Variants in TUT7 observed in about 807,000 individuals in gnomAD.
TUT7 encodes terminal uridylyltransferase 7.
TUT7 carries 33 observed loss-of-function variants against 165.9 expected under a neutral mutation model. The ratio of observed to expected loss-of-function variants is 0.20; its 90% CI spans 0.15 to 0.27. TUT7 has a LOEUF of 0.27. TUT7 is among the 10% of genes least tolerant of loss of function. The pLI is 1.00. For missense variants in TUT7, 1,338 were observed against 1,762.3 expected (o/e 0.76, Z 4.31); for synonymous variants, 552 against 608.1 (o/e 0.91, Z 1.36).
At chr9:86,300,765 GA>G (rs1340651594) in intron 26 of TUT7, among the ~76,000 whole-genome samples, 17 of 152,166 alleles carry the variant, frequency 1.1e-4, no homozygotes, top group Non-Finnish European at 2.4e-4. Context: ...AAAATCTACA[GA>G]AAAAAATCTT....
chr9:86,315,726 A>C (rs1461837030), intron 17 of TUT7, among the ~76,000 whole-genome samples: 1 of 151,488 alleles, frequency 6.6e-6, no homozygotes, highest in African/African-American at 2.4e-5. Flanking sequence ...CAATGACCAA[A>C]GAAAAGTATA....
At chr9:86,305,789 T>C (rs954577955) in intron 22 of TUT7, among the ~76,000 whole-genome samples, 3 of 152,154 alleles carry the variant, frequency 2.0e-5, no homozygotes, top group African/African-American at 7.2e-5. Flanking sequence ...CCCAATGGCA[T>C]GCCATTGGCT....
intron 10 of TUT7, among the ~76,000 whole-genome samples, chr9:86,335,423 G>A (rs1271300361): frequency 1.3e-5 from 2 of 152,120 alleles, no homozygotes; most frequent in Non-Finnish European, 2.9e-5. Flanking sequence ...ATTATGATTG[G>A]GAATAAAGGT....
intron 26 of TUT7, among the ~76,000 whole-genome samples, chr9:86,289,421 A>C (rs1018575586): frequency 6.6e-6 from 1 of 152,212 alleles, no homozygotes; most frequent in East Asian, 1.9e-4. Context: ...ATTATTCAAT[A>C]ACTGTATTAT....
At chr9:86,320,845 G>GA (rs1157159963) in intron 14 of TUT7, among the ~76,000 whole-genome samples, 3 of 151,924 alleles carry the variant, frequency 2.0e-5, no homozygotes, top group Non-Finnish European at 2.9e-5. Context: ...CTTTCTTCTG[G>GA]AAAAAAATGT....
intron 17 of TUT7, among the ~76,000 whole-genome samples, chr9:86,314,838 A>G (rs1219058256): frequency 6.6e-6 from 1 of 152,190 alleles, no homozygotes; most frequent in African/African-American, 2.4e-5. Context: ...CTCCAAATGT[A>G]CCAATCTTCT....
At chr9:86,296,478 C>T (rs1278024553) in intron 26 of TUT7, among the ~76,000 whole-genome samples, 1 of 152,154 alleles carries the variant, frequency 6.6e-6, no homozygotes, top group Non-Finnish European at 1.5e-5. Context: ...CAAGGACATT[C>T]ATGGGATTTT....
rs904745198 is a variant in TUT7 at position 86,340,233 on chromosome 9, T to A, written c.1139-128A>T. On this transcript the variant is annotated intron_variant, in intron 7 of 26. Transcript: ENST00000375963. ...CTTTTGAAAGACCACTACTAAATAA[T>A]GCTCTGCAATGACTTGAAAAGGAAA... 7.2e-6 allele frequency: 5 copies of A among 697,778 alleles called. No homozygotes were observed. The African/African-American group carries it at 9.0e-5, about 12-fold the overall frequency. 43.2% of individuals were successfully genotyped at this position (697,778 alleles called of 1,614,324 possible).
intron 8 of TUT7, among the ~76,000 whole-genome samples, chr9:86,339,733 G>A (rs1478647680): frequency 1.3e-5 from 2 of 152,134 alleles, no homozygotes; most frequent in Non-Finnish European, 2.9e-5. Flanking sequence ...TGCCAAAAAG[G>A]GTGGCAAAAT....
At chr9:86,346,694 T>C (rs937622824) in intron 2 of TUT7, among the ~76,000 whole-genome samples, 5 of 152,216 alleles carry the variant, frequency 3.3e-5, no homozygotes, top group African/African-American at 1.2e-4. Flanking sequence ...ATCATCTTTT[T>C]GGAAAATTTA....
chr9:86,291,427 C>T (rs1047878718), intron 26 of TUT7, among the ~76,000 whole-genome samples: 22 of 151,884 alleles, frequency 1.4e-4, no homozygotes, highest in South Asian at 2.1e-4. Context: ...AAAAATTAGC[C>T]GGGTGTCATG....
intron 22 of TUT7, among the ~76,000 whole-genome samples, chr9:86,308,069 A>C (rs1827683917): frequency 6.6e-6 from 1 of 152,208 alleles, no homozygotes; most frequent in South Asian, 2.1e-4. Flanking sequence ...ACAATTACTT[A>C]TAGGTGAACT....
At chr9:86,299,170 G>A (rs776908436) in intron 26 of TUT7, among the ~76,000 whole-genome samples, 1 of 152,128 alleles carries the variant, frequency 6.6e-6, no homozygotes, top group African/African-American at 2.4e-5. Context: ...TGACAGACAC[G>A]CCTCCTTCTC....
At chr9:86,299,655 T>C (rs1826698541) in intron 26 of TUT7, among the ~76,000 whole-genome samples, 1 of 152,176 alleles carries the variant, frequency 6.6e-6, no homozygotes, top group African/African-American at 2.4e-5. Flanking sequence ...CCGCCCCGCA[T>C]CTTTTTGAGT....
chr9:86,321,732 A>G (rs1054974047), intron 14 of TUT7, among the ~76,000 whole-genome samples: 1 of 152,116 alleles, frequency 6.6e-6, no homozygotes, highest in Non-Finnish European at 1.5e-5. Flanking sequence ...CTGTCTCACC[A>G]TCACCCTCCA....
intron 11 of TUT7, chr9:86,326,248 G>C (rs1310438724): frequency 6.6e-6 from 1 of 152,436 alleles, no homozygotes; most frequent in African/African-American, 2.4e-5. Context: ...TTTGGAATTG[G>C]GACAAGCTTA....
intron 10 of TUT7, among the ~76,000 whole-genome samples, chr9:86,335,576 T>C (rs1830689034): frequency 6.6e-6 from 1 of 152,184 alleles, no homozygotes; most frequent in Non-Finnish European, 1.5e-5. Context: ...TGTCCATCTT[T>C]GTATTTCAGG....
intron 9 of TUT7, 152 bp from the exon 10 acceptor site, chr9:86,337,690 C>T (rs1830935151): frequency 2.1e-6 from 2 of 943,880 alleles, no homozygotes; most frequent in South Asian, 3.7e-5. Flanking sequence ...TATACAACTT[C>T]CTTATACTTT....
chr9:86,322,506 T>G, intron 13 of TUT7, 31 bp from the exon 14 acceptor site: 1 of 1,582,400 alleles, frequency 6.3e-7, no homozygotes, highest in Non-Finnish European at 8.6e-7. Flanking sequence ...AAAACAAGAC[T>G]TAACACTTTA....
Sources: gnomAD v4.1 joint callset for allele counts (sites outside exome capture counted in the v4.1 genomes callset) on GRCh38, gnomAD v4.1.1 for gene constraint, MANE v1.5 for transcripts, NCBI Gene and HGNC (gene_info 2026-07-23, HGNC 2026-07-21) for gene names.